The following TPRG1 variants were observed in gnomAD, a reference collection of about 807,000 sequenced individuals.
The protein encoded by TPRG1 is tumor protein p63-regulated gene 1 protein.
TPRG1 carries 29 observed loss-of-function variants against 29.3 expected under a neutral mutation model. The ratio of observed to expected loss-of-function variants is 0.99; its 90% confidence interval spans 0.74 to 1.35. The LOEUF is 1.35. Ranked by LOEUF, TPRG1 falls within the 40% of genes most tolerant of loss-of-function variation. The pLI, the probability that TPRG1 is intolerant of heterozygous loss-of-function variation, is 0.00. For missense variants in TPRG1, 327 were observed against 335.0 expected, an observed-to-expected ratio of 0.98 and a Z score of 0.19; for synonymous variants, 130 against 116.8, an observed-to-expected ratio of 1.11 and a Z score of -0.73.
At chr3:189,070,638 T>C (rs1219138229) in intron 4 of TPRG1, among the ~76,000 whole-genome samples, 2 of 152,228 alleles carry the variant, frequency 1.3e-5, no homozygotes, top group African/African-American at 4.8e-5. Context: ...CAACGTATAG[T>C]AAGAAAGAGA....
intron 3 of TPRG1, among the ~76,000 whole-genome samples, chr3:189,139,364 G>T (rs868174396): frequency 1.3e-5 from 2 of 152,142 alleles, no homozygotes; most frequent in Non-Finnish European, 2.9e-5. Flanking sequence ...TGGACTGGGG[G>T]CCAGGATCCT....
At chr3:189,311,784 C>T (rs1431761040) in intron 5 of TPRG1, among the ~76,000 whole-genome samples, 2 of 152,120 alleles carry the variant, frequency 1.3e-5, no homozygotes, top group African/African-American at 2.4e-5. Context: ...AATTTCTCAA[C>T]CCAAGCCTCA....
chr3:189,239,332 T>C (rs1158343730), intron 4 of TPRG1, among the ~76,000 whole-genome samples: 1 of 152,118 alleles, frequency 6.6e-6, no homozygotes, highest in Admixed American at 6.6e-5. Context: ...GAGACTGGCA[T>C]AGGCAAGACT....
intron 4 of TPRG1, among the ~76,000 whole-genome samples, chr3:189,086,396 G>C (rs1336300494): frequency 6.6e-6 from 1 of 151,394 alleles, no homozygotes; most frequent in African/African-American, 2.4e-5. Flanking sequence ...TCTTTCCCAG[G>C]CTCCCAGGCT....
At chr3:189,072,446 A>T (rs1260781818) in intron 4 of TPRG1, among the ~76,000 whole-genome samples, 2 of 152,120 alleles carry the variant, frequency 1.3e-5, no homozygotes, top group African/African-American at 4.8e-5. Context: ...TTGTTTCTCA[A>T]TGTGGATATT....
intron 3 of TPRG1, among the ~76,000 whole-genome samples, chr3:189,137,519 G>A (rs888229032): frequency 2.6e-5 from 4 of 152,098 alleles, no homozygotes; most frequent in Non-Finnish European, 5.9e-5. Context: ...GAGCATCCAG[G>A]CCCTGCTGTG....
intron 1 of TPRG1, among the ~76,000 whole-genome samples, chr3:189,122,817 G>A (rs995597493): frequency 3.9e-5 from 6 of 152,176 alleles, no homozygotes; most frequent in African/African-American, 1.4e-4. Flanking sequence ...AAGAAATACA[G>A]AGATTATCAG....
intron 1 of TPRG1, among the ~76,000 whole-genome samples, chr3:189,175,741 A>C (rs894230882): frequency 6.6e-6 from 1 of 152,254 alleles, no homozygotes; most frequent in African/African-American, 2.4e-5. Flanking sequence ...AAGATGGATA[A>C]AAATATTTTT....
intron 1 of TPRG1, among the ~76,000 whole-genome samples, chr3:189,173,578 C>T (rs890012335): frequency 5.9e-5 from 9 of 151,840 alleles, no homozygotes; most frequent in Non-Finnish European, 1.2e-4. Context: ...TTCTTGGTGT[C>T]TTTCTGGCTG....
At chr3:189,210,917 G>A (rs191823242) in intron 2 of TPRG1, among the ~76,000 whole-genome samples, 83 of 152,248 alleles carry the variant, frequency 5.5e-4, no homozygotes, top group East Asian at 4.2e-3. Context: ...TGAGTGGAGG[G>A]ATTACTTGGT....
chr3:189,132,997 A>T (rs61390472), intron 3 of TPRG1, among the ~76,000 whole-genome samples: 5,019 of 152,246 alleles, frequency 0.033, 192 homozygotes, highest in African/African-American at 0.09. Context: ...TATGAACGGA[A>T]ATATGTACTG....
intron 1 of TPRG1, among the ~76,000 whole-genome samples, chr3:189,108,971 G>C (rs1338136108): frequency 1.3e-5 from 2 of 152,090 alleles, no homozygotes; most frequent in African/African-American, 4.8e-5. Context: ...GCTGAACTCA[G>C]AAATAGCCTG....
At chr3:189,225,409 ATCTT>A (rs1432901334) in intron 3 of TPRG1, among the ~76,000 whole-genome samples, 3 of 152,170 alleles carry the variant, frequency 2.0e-5, no homozygotes, top group Non-Finnish European at 4.4e-5. Context: ...TAGGCATTCT[ATCTT>A]AAGTTACTGA....
intron 3 of TPRG1, among the ~76,000 whole-genome samples, chr3:189,019,548 G>A (rs1389452051): frequency 2.6e-5 from 4 of 152,150 alleles, no homozygotes; most frequent in East Asian, 1.9e-4. Flanking sequence ...TGATTTGCGT[G>A]TATTGAACCA....
chr3:189,084,158 A>T (rs1431006476), intron 4 of TPRG1, among the ~76,000 whole-genome samples: 1 of 152,052 alleles, frequency 6.6e-6, no homozygotes, highest in Non-Finnish European at 1.5e-5. Flanking sequence ...CTCCAAAAAA[A>T]AAAGAAAAGA....
intron 2 of TPRG1, among the ~76,000 whole-genome samples, chr3:189,208,647 C>T (rs548605987): frequency 1.3e-4 from 20 of 152,100 alleles, no homozygotes; most frequent in East Asian, 7.7e-4. Flanking sequence ...TTAGTAGGTG[C>T]GATACTATAT....
At chr3:189,150,960 C>T (rs1725862462) in intron 5 of TPRG1, 1 of 152,138 alleles carries the variant, frequency 6.6e-6, no homozygotes, top group Admixed American at 6.5e-5. Context: ...TGCAAGAAGA[C>T]ATCAGTGTTC....
At chr3:189,237,016 G>T (rs1739589489) in intron 3 of TPRG1, among the ~76,000 whole-genome samples, 2 of 152,172 alleles carry the variant, frequency 1.3e-5, no homozygotes, top group South Asian at 2.1e-4. Flanking sequence ...AATGGATGAT[G>T]TGAGTACTAG....
intron 4 of TPRG1, among the ~76,000 whole-genome samples, chr3:189,065,976 A>T (rs1484341091): frequency 2.0e-5 from 3 of 152,198 alleles, no homozygotes; most frequent in African/African-American, 4.8e-5. Context: ...ATAAGATTAA[A>T]ACACAAAAAT....
Sources: gnomAD v4.1 joint callset for allele counts (sites outside exome capture counted in the v4.1 genomes callset) on GRCh38, gnomAD v4.1.1 for gene constraint, MANE v1.5 for transcripts, NCBI Gene and HGNC (gene_info 2026-07-23, HGNC 2026-07-21) for gene names.